ANKRD44: variants seen among roughly 807,000 people sequenced by gnomAD.
ANKRD44 encodes ankyrin repeat domain 44.
In ANKRD44, 35 loss-of-function variants were observed where a neutral mutation model predicts 116.0. That is an observed-to-expected ratio of 0.30 (90% CI 0.23 to 0.40). ANKRD44 has a LOEUF of 0.40. ANKRD44 is among the 10% of genes least tolerant of loss of function. The pLI is 1.00. For synonymous variants in ANKRD44, 435 were observed against 461.8 expected (o/e 0.94, Z 0.74); for missense variants, 1,014 against 1,242.6 (o/e 0.82, Z 2.77).
chr2:197,060,513 A>G (rs528561041), intron 16 of ANKRD44, among the ~76,000 whole-genome samples: 1 of 152,344 alleles, frequency 6.6e-6, no homozygotes, highest in South Asian at 2.1e-4. Context: ...AATATCCGTC[A>G]CCTCAGATAG....
Position 196,987,234 on chromosome 2 carries a change from T to C in ANKRD44, c.*2357A>G. 14 of 985,292 alleles carry C rather than the reference T, an allele frequency of 1.4e-5. No individual in the cohort carries two copies. The highest frequency in any genetic ancestry group is 1.6e-5 in the Non-Finnish European group (13 of 829,812). The allele number at this position is 985,292 out of a possible 1,614,324, so 61.0% of individuals were successfully genotyped here. ...TAGCACTGCAAAATCAAACAATTCC[T>C]ATAGAAAACTTAAGCATTTTCATAT... On this transcript the variant is annotated 3_prime_UTR_variant, in exon 28 of 28. Coordinates refer to ENST00000282272, the MANE Select transcript of ANKRD44 (RefSeq NM_001195144.2).
chr2:197,307,350 G>A (rs975327550), intron 1 of ANKRD44, among the ~76,000 whole-genome samples: 4 of 152,002 alleles, frequency 2.6e-5, no homozygotes, highest in Non-Finnish European at 5.9e-5. Flanking sequence ...GAATTTTCCC[G>A]GTTTTAGCCC....
intron 18 of ANKRD44, among the ~76,000 whole-genome samples, chr2:197,010,977 T>A (rs2076289104): frequency 6.6e-6 from 1 of 152,260 alleles, no homozygotes; most frequent in African/African-American, 2.4e-5. Context: ...ACAGGAATAA[T>A]GTGCACATTT....
chr2:197,119,091 G>T (rs1334298170), intron 8 of ANKRD44, among the ~76,000 whole-genome samples: 1 of 151,980 alleles, frequency 6.6e-6, no homozygotes, highest in Admixed American at 6.6e-5. Flanking sequence ...CATGTATATT[G>T]AAGAAAATTT....
intron 1 of ANKRD44, among the ~76,000 whole-genome samples, chr2:197,301,582 T>G (rs1268409300): frequency 6.6e-6 from 1 of 152,194 alleles, no homozygotes; most frequent in Non-Finnish European, 1.5e-5. Context: ...CTTAATTTTG[T>G]TTGAATGGAA....
intron 4 of ANKRD44, among the ~76,000 whole-genome samples, chr2:197,131,352 C>T (rs1366843722): frequency 6.6e-6 from 1 of 151,806 alleles, no homozygotes; most frequent in Admixed American, 6.6e-5. Flanking sequence ...CTACCACGCC[C>T]GGCTAATTTT....
At chr2:197,262,853 C>T (rs896473929) in intron 1 of ANKRD44, among the ~76,000 whole-genome samples, 1 of 151,196 alleles carries the variant, frequency 6.6e-6, no homozygotes, top group Non-Finnish European at 1.5e-5. Flanking sequence ...TGCAGTAAGC[C>T]GAGATCACGC....
intron 1 of ANKRD44, among the ~76,000 whole-genome samples, chr2:197,209,317 C>T (rs1330835236): frequency 6.6e-6 from 1 of 152,192 alleles, no homozygotes; most frequent in African/African-American, 2.4e-5. Flanking sequence ...CCTGCTTCAG[C>T]CCTGCTAAAT....
intron 1 of ANKRD44, among the ~76,000 whole-genome samples, chr2:197,295,278 G>C (rs916187502): frequency 6.6e-6 from 1 of 152,192 alleles, no homozygotes; most frequent in Non-Finnish European, 1.5e-5. Flanking sequence ...GTTAGAGCAA[G>C]AGGTTGGCAA....
chr2:197,119,266 T>C (rs1241242475), intron 8 of ANKRD44, among the ~76,000 whole-genome samples: 1 of 152,128 alleles, frequency 6.6e-6, no homozygotes, highest in Admixed American at 6.5e-5. Context: ...TGCTCAGGTC[T>C]GATCATATGA....
At chr2:197,164,683 G>A (rs2080063023) in intron 2 of ANKRD44, among the ~76,000 whole-genome samples, 1 of 152,036 alleles carries the variant, frequency 6.6e-6, no homozygotes, top group South Asian at 2.1e-4. Context: ...CCGCTTTCTC[G>A]CCACCAGGCC....
At chr2:196,995,511 G>A (rs2075997189) in intron 25 of ANKRD44, 50 bp from the exon 26 acceptor site, 4 of 1,358,724 alleles carry the variant, frequency 2.9e-6, no homozygotes, top group South Asian at 1.3e-5. Flanking sequence ...ACACAGAAAA[G>A]TTACTGAGAA....
intron 16 of ANKRD44, among the ~76,000 whole-genome samples, chr2:197,072,409 G>T (rs561265292): frequency 6.6e-6 from 1 of 152,200 alleles, no homozygotes; most frequent in Non-Finnish European, 1.5e-5. Flanking sequence ...AGAAAACATG[G>T]AGGACCAGTT....
chr2:197,126,458 G>A (rs62279220), intron 4 of ANKRD44, among the ~76,000 whole-genome samples: 17,556 of 152,192 alleles, frequency 0.12, 1,151 homozygotes, highest in Middle Eastern at 0.14. Flanking sequence ...CCTCAGCATC[G>A]TGTGATCAAT....
At chr2:197,068,360 A>G (rs1293883672) in intron 16 of ANKRD44, among the ~76,000 whole-genome samples, 3 of 132,102 alleles carry the variant, frequency 2.3e-5, no homozygotes, top group African/African-American at 7.9e-5. Context: ...TTAGAGTATA[A>G]TAAAAAAAAT....
In ANKRD44 at chr2:197,257,981, C is replaced by T. The variant is rs1049149723; in HGVS notation, c.27+52597G>A. Among the ~76,000 whole-genome samples, 31 of 152,292 alleles carry T rather than the reference C, an allele frequency of 2.0e-4. 1 individual carries two copies. The highest frequency in any genetic ancestry group is 7.2e-4 in the Admixed American group (11 of 15,280). On this transcript the variant is annotated intron_variant, in intron 1 of 27. Transcript: ENST00000282272. ...CTAGGTACCTTATATAAATGAAAAT[C>T]ATACAATAGTTGTTCTTGCATCTGG...
In ANKRD44 at chr2:196,972,160, G is replaced by C. The variant is rs181712485; in HGVS notation, c.2369-4714C>G. On this transcript the variant is annotated intron_variant, in intron 21 of 21. Coordinates refer to the ANKRD44 transcript ENST00000424317. ...ATGAGCCACAGGTTGAAGATGGGAG[G>C]CTACCTTCCCAGTGCTACCATGGTC... Among the ~76,000 whole-genome samples the C allele has an allele frequency of 8.5e-5, 13 of 152,196 alleles. No homozygotes were observed. The East Asian group carries it at 2.3e-3, about 27-fold the overall frequency.
intron 1 of ANKRD44, among the ~76,000 whole-genome samples, chr2:197,204,675 A>G (rs2081167372): frequency 6.6e-6 from 1 of 152,222 alleles, no homozygotes; most frequent in Non-Finnish European, 1.5e-5. Flanking sequence ...AACTTATTCA[A>G]TATTTTTCAA....
chr2:197,184,202 A>G (rs745791873), intron 2 of ANKRD44, among the ~76,000 whole-genome samples: 4 of 152,084 alleles, frequency 2.6e-5, no homozygotes, highest in African/African-American at 4.8e-5. Context: ...CTAACTACTC[A>G]CTAAAATCCA....
Sources: allele counts gnomAD v4.1 joint callset (sites outside exome capture counted in the v4.1 genomes callset), GRCh38; gene constraint gnomAD v4.1.1; transcripts MANE v1.5; gene names NCBI Gene and HGNC (gene_info 2026-07-23, HGNC 2026-07-21).